MYH9: variants seen among roughly 807,000 people sequenced by gnomAD.
The protein encoded by MYH9 is myosin heavy chain 9.
MYH9 carries 29 observed loss-of-function variants against 241.9 expected under a neutral mutation model. The ratio of observed to expected loss-of-function variants is 0.12; its 90% CI spans 0.09 to 0.16. The LOEUF is 0.16. Ranked by LOEUF, MYH9 falls within the 10% of genes least tolerant of loss-of-function variation. The pLI is 1.00. For synonymous variants in MYH9, 1,047 were observed against 1,062.6 expected, an observed-to-expected ratio of 0.99 and a Z score of 0.29; for missense variants, 1,803 against 2,595.5, an observed-to-expected ratio of 0.69 and a Z score of 6.63.
At chr22:36,379,072 C>T (rs2018215628) in intron 1 of MYH9, among the ~76,000 whole-genome samples, 1 of 152,070 alleles carries the variant, frequency 6.6e-6, no homozygotes, top group South Asian at 2.1e-4. Flanking sequence ...ATTGTTGTTG[C>T]TGATTTTTCT....
At chr22:36,304,484 G>A (rs1331817192) in intron 18 of MYH9, among the ~76,000 whole-genome samples, 3 of 152,212 alleles carry the variant, frequency 2.0e-5, no homozygotes, top group Non-Finnish European at 4.4e-5. Flanking sequence ...ACCTGGACAC[G>A]CCAGAAACAA....
At position 36,342,414 on chromosome 22, in the gene MYH9, C is replaced by T. The variant is rs143092923; in HGVS notation, c.334-888G>A. 3.1e-3 allele frequency among the ~76,000 whole-genome samples: 471 copies of T among 152,222 alleles called. 3 individuals carry two copies. Among genetic ancestry groups the T allele is most frequent in the South Asian group, 0.026 (123 of 4,814 alleles). On this transcript the variant is annotated intron_variant, in intron 2 of 40. Coordinates refer to ENST00000216181, the MANE Select transcript of MYH9 (RefSeq NM_002473.6). ...ATTAAATGAAGCACATAGCACAGCA[C>T]GCAGCATAGCCTTGGAGAGGAGCTC...
intron 1 of MYH9, among the ~76,000 whole-genome samples, chr22:36,373,540 G>A (rs754781917): frequency 2.0e-5 from 3 of 152,090 alleles, no homozygotes; most frequent in East Asian, 1.9e-4. Flanking sequence ...GTTTTCCATC[G>A]GCTGGAATTG....
chr22:36,285,205 G>C lies in MYH9; in HGVS notation c.5399C>G (p.Thr1800Ser). The C allele has an allele frequency of 6.2e-7, 1 of 1,614,208 alleles. No individual in the cohort carries two copies. Among genetic ancestry groups the C allele is most frequent in the Non-Finnish European group, 8.5e-7 (1 of 1,180,034 alleles). Residue 1800 changes from threonine (T) to serine (S), a missense_variant, in exon 38 of 41, where the codon ACT becomes AGT. By Grantham distance (58) the Thr-to-Ser change is moderately conservative. Transcript: ENST00000216181. The surrounding 1 kb of genome is among the most constrained non-coding windows in gnomAD (Gnocchi z 7.0). Reference protein sequence around the residue: ...LKVKLQEMEGTVKSKYKASIT... With the variant: ...LKVKLQEMEGSVKSKYKASIT... ...GGAGGCCTTGTACTTGGACTTGACA[G>C]TGCCCTCCATCTCCTGCAGCTTGAC...
intron 35 of MYH9, 84 bp from the exon 36 acceptor site, chr22:36,286,037 A>C: frequency 1.3e-6 from 2 of 1,482,962 alleles, no homozygotes; most frequent in Non-Finnish European, 9.3e-7. Flanking sequence ...CCCTCCCCTC[A>C]AGCCCTTCCC....
chr22:36,309,863 T>G (rs898338035), intron 14 of MYH9, among the ~76,000 whole-genome samples: 2 of 152,210 alleles, frequency 1.3e-5, no homozygotes, highest in Admixed American at 1.3e-4. Flanking sequence ...GGAAATATAT[T>G]CTGTTTTTAA....
chr22:36,348,881 G>C, intron 2 of MYH9, 23 bp downstream of exon 2: 1 of 1,566,124 alleles, frequency 6.4e-7, no homozygotes, highest in South Asian at 1.1e-5. Flanking sequence ...CCCAGCCTGC[G>C]GGGTGCCACG....
Position 36,289,128 on chromosome 22 carries a change from T to G in MYH9, c.4514A>C (p.Glu1505Ala). The change falls in exon 32 of 41, where the codon GAG becomes GCG. Residue 1505 changes from glutamate (E) to alanine (A), a missense_variant. Around this residue, in one of 11 missense-constraint regions of MYH9, gnomAD observed 876 missense variants for 1,077.8 expected, o/e 0.81. Transcript: ENST00000216181. ...LERLNKQFRT[E>A]MEDLMSSKDD... ...CTTGGAGCTCATAAGGTCCTCCATC[T>G]CCGTGCGGAACTGCTTGTTGAGCCG... 6.2e-7 allele frequency: 1 copy of G among 1,614,072 alleles called. No homozygotes were observed. Among genetic ancestry groups the G allele is most frequent in the Non-Finnish European group, 8.5e-7 (1 of 1,180,028 alleles).
intron 5 of MYH9, among the ~76,000 whole-genome samples, chr22:36,322,987 C>T (rs1039707138): frequency 1.3e-5 from 2 of 152,212 alleles, no homozygotes; most frequent in African/African-American, 4.8e-5. Flanking sequence ...AATATACACG[C>T]TCATCTCATC....
Position 36,293,188 on chromosome 22 carries a change from G to T in MYH9, c.4095+141C>A. ...TTCCTTTCCTTGAGAGCACTGATGTGGGAGAGCACGGTTGGCTTCCCAGGG... is the reference window on the plus strand; with the variant it reads ...TTCCTTTCCTTGAGAGCACTGATGTTGGAGAGCACGGTTGGCTTCCCAGGG... On this transcript the variant is annotated intron_variant, in intron 30 of 40. Coordinates refer to ENST00000216181, the MANE Select transcript of MYH9 (RefSeq NM_002473.6). This position sits in a 1 kb window ranked among gnomAD's most constrained non-coding sequence, Gnocchi z 5.1. 1 of 981,676 alleles carries T rather than the reference G, an allele frequency of 1.0e-6. No homozygotes were observed. The highest frequency in any genetic ancestry group is 2.6e-5 in the East Asian group (1 of 38,680). The allele number at this position is 981,676 out of a possible 1,614,324, so 60.8% of individuals were successfully genotyped here.
At chr22:36,334,163 A>C (rs1046832575) in intron 3 of MYH9, among the ~76,000 whole-genome samples, 6 of 152,128 alleles carry the variant, frequency 3.9e-5, no homozygotes, top group Non-Finnish European at 8.8e-5. Context: ...CTCTTCTAGA[A>C]AGAAGAAGTT....
intron 1 of MYH9, among the ~76,000 whole-genome samples, chr22:36,387,199 C>T (rs918006054): frequency 3.3e-5 from 5 of 152,124 alleles, no homozygotes; most frequent in African/African-American, 1.2e-4. Flanking sequence ...CCGACGGCAG[C>T]GGGCGAATGA....
Position 36,366,899 on chromosome 22 carries a change from C to T in MYH9, c.-19-17644G>A, listed in dbSNP as rs537035916. On this transcript the variant is annotated intron_variant, in intron 1 of 40. Transcript: ENST00000216181. Reference sequence around the variant, plus strand: ...GAACAAACCCCCATCCTGATCCTAACGGCCCCCAGGCTGCATCCGTTATGC... The same window carrying T: ...GAACAAACCCCCATCCTGATCCTAATGGCCCCCAGGCTGCATCCGTTATGC... Among the ~76,000 whole-genome samples, 14 of 152,326 alleles carry T rather than the reference C, an allele frequency of 9.2e-5. 1 individual carries two copies. The South Asian group carries it at 1.5e-3, about 16-fold the overall frequency.
At chr22:36,284,363 A>T in intron 39 of MYH9, 40 bp downstream of exon 39, 2 of 1,608,218 alleles carry the variant, frequency 1.2e-6, no homozygotes, top group Non-Finnish European at 1.7e-6. Flanking sequence ...TCTGCTGCCC[A>T]GCCCCGCTGC....
At chr22:36,303,171 A>G (rs1159263658) in intron 19 of MYH9, among the ~76,000 whole-genome samples, 2 of 147,880 alleles carry the variant, frequency 1.4e-5, no homozygotes, top group Non-Finnish European at 1.5e-5. Flanking sequence ...CATCTGTGCA[A>G]ATGCTCAAGC....
intron 25 of MYH9, 125 bp downstream of exon 25, chr22:36,296,718 G>C: frequency 9.1e-7 from 1 of 1,095,574 alleles, no homozygotes; most frequent in South Asian, 1.7e-5. Flanking sequence ...TGAAATAAAT[G>C]GCTCTTTTAA....
Position 36,306,721 on chromosome 22 carries a change from G to C in MYH9, c.1844-114C>G. On this transcript the variant is annotated intron_variant, in intron 15 of 40. Transcript: ENST00000216181. This position sits in a 1 kb window ranked among gnomAD's most constrained non-coding sequence, Gnocchi z 4.1. ...CGGACAGGAAAAGAGGAGACAGAAT[G>C]AAACAACAGGACCCTTTCCAATTGG... 9.5e-7 allele frequency: 1 copy of C among 1,055,578 alleles called. No homozygotes were observed. The highest frequency in any genetic ancestry group is 1.4e-6 in the Non-Finnish European group (1 of 709,328). 65.4% of individuals were successfully genotyped at this position (1,055,578 alleles called of 1,614,324 possible).
chr22:36,374,567 G>A (rs73167657), intron 1 of MYH9, among the ~76,000 whole-genome samples: 103 of 152,204 alleles, frequency 6.8e-4, no homozygotes, highest in Non-Finnish European at 1.0e-3. Flanking sequence ...TAACAATTAC[G>A]TCTCTCTCAA....
chr22:36,291,683 T>TAAAAAAAAAAAAAA (rs66686435), intron 31 of MYH9, among the ~76,000 whole-genome samples: 17 of 86,880 alleles, frequency 2.0e-4, no homozygotes, highest in Non-Finnish European at 3.6e-4. Context: ...ATAAAAAAAT[T>TAAAAAAAAAAAAAA]AAAAAAAAAA....
Sources: gnomAD v4.1 joint callset for allele counts (sites outside exome capture counted in the v4.1 genomes callset) on GRCh38, gnomAD v4.1.1 for gene constraint, gnomAD v4.1.1 regional missense constraint, Gnocchi (gnomAD v3.1) non-coding constraint, MANE v1.5 for transcripts, NCBI Gene and HGNC (gene_info 2026-07-23, HGNC 2026-07-21) for gene names.